Variants in C2orf80 observed in about 807,000 individuals in gnomAD.
The protein encoded by C2orf80 is chromosome 2 open reading frame 80, also known as uncharacterized protein C2orf80.
A neutral mutation model predicts 30.2 loss-of-function variants in C2orf80; 28 were observed. The observed-to-expected ratio is 0.93, with a 90% CI of 0.69 to 1.27. C2orf80 has a LOEUF of 1.27. C2orf80 is among the 50% of genes most tolerant of loss of function. The pLI is 0.00. For synonymous variants in C2orf80, 80 were observed against 76.4 expected (o/e 1.05, Z -0.24); for missense variants, 220 against 231.0 (o/e 0.95, Z 0.31).
intron 6 of C2orf80, among the ~76,000 whole-genome samples, chr2:208,173,802 A>G (rs930694739): frequency 6.6e-6 from 1 of 152,160 alleles, no homozygotes; most frequent in Non-Finnish European, 1.5e-5. Context: ...AGGAGAGGGT[A>G]TGCAGAGAGC....
chr2:208,180,625 C>T (rs777662214), intron 6 of C2orf80, 120 bp downstream of exon 6: 3 of 767,450 alleles, frequency 3.9e-6, no homozygotes, highest in Non-Finnish European at 6.3e-6. Context: ...TGGTTTTGTA[C>T]ATTTTGATGT....
At chr2:208,176,883 ATAGGTG>A (rs368189911) in intron 6 of C2orf80, among the ~76,000 whole-genome samples, 2,939 of 111,470 alleles carry the variant, frequency 0.026, 214 homozygotes, top group African/African-American at 0.086. Flanking sequence ...ATATGTATAC[ATAGGTG>A]TATATATATA....
intron 6 of C2orf80, among the ~76,000 whole-genome samples, chr2:208,176,998 T>G (rs1184641670): frequency 9.7e-6 from 1 of 102,632 alleles, no homozygotes; most frequent in African/African-American, 3.5e-5. Context: ...TATGTATACA[T>G]ATATACATAT....
intron 6 of C2orf80, among the ~76,000 whole-genome samples, 190 bp downstream of exon 6, chr2:208,180,555 T>C (rs556842237): frequency 9.3e-4 from 142 of 152,308 alleles, no homozygotes; most frequent in African/African-American, 3.3e-3. Context: ...TATTACTGCA[T>C]GGTCTTTTAC....
At chr2:208,178,925 T>G (rs1290087235) in intron 6 of C2orf80, among the ~76,000 whole-genome samples, 1 of 152,018 alleles carries the variant, frequency 6.6e-6, no homozygotes, top group African/African-American at 2.4e-5. Flanking sequence ...ACCTGGCAAA[T>G]TTTTTGTATT....
intron 2 of C2orf80, among the ~76,000 whole-genome samples, chr2:208,185,972 C>A (rs6749281): frequency 0.14 from 21,808 of 152,122 alleles, 1,715 homozygotes; most frequent in South Asian, 0.21. Context: ...ACATATAACA[C>A]AAATATGACT....
chr2:208,190,001 G>A lies in C2orf80; in HGVS notation c.-124C>T. ...TTTTGTTCTTTCTCTGCTTCTGGAG[G>A]CATGCTGAAGCATCCGCGCATCTCA... On this transcript the variant is annotated 5_prime_UTR_variant, in exon 1 of 9. Coordinates refer to ENST00000341287, the MANE Select transcript of C2orf80 (RefSeq NM_001099334.3). The A allele has an allele frequency of 1.4e-6, 1 of 702,920 alleles. No individual in the cohort carries two copies. The highest frequency in any genetic ancestry group is 2.6e-6 in the Non-Finnish European group (1 of 384,960). The allele number at this position is 702,920 out of a possible 1,614,324, so 43.5% of individuals were successfully genotyped here.
At chr2:208,187,656 G>A (rs958001943) in intron 1 of C2orf80, among the ~76,000 whole-genome samples, 2 of 152,102 alleles carry the variant, frequency 1.3e-5, no homozygotes, top group Non-Finnish European at 2.9e-5. Context: ...ACTATTGAAT[G>A]GGGTACACAG....
At chr2:208,170,149 C>T (rs1696048983) in intron 8 of C2orf80, among the ~76,000 whole-genome samples, 1 of 152,178 alleles carries the variant, frequency 6.6e-6, no homozygotes, top group African/African-American at 2.4e-5. Context: ...CCGTTTTCTA[C>T]CTTACAGCCT....
chr2:208,184,924 G>T, intron 3 of C2orf80, 27 bp downstream of exon 3: 2 of 1,564,682 alleles, frequency 1.3e-6, no homozygotes, highest in Non-Finnish European at 1.8e-6. Flanking sequence ...ACACAAATAT[G>T]ACTCGCATCA....
intron 1 of C2orf80, among the ~76,000 whole-genome samples, chr2:208,187,337 T>C (rs766773518): frequency 6.6e-6 from 1 of 152,206 alleles, no homozygotes; most frequent in Non-Finnish European, 1.5e-5. Context: ...GTTTGTGTAA[T>C]AGCTGATGAG....
At chr2:208,185,458 G>A (rs1243851479) in intron 2 of C2orf80, among the ~76,000 whole-genome samples, 2 of 152,164 alleles carry the variant, frequency 1.3e-5, no homozygotes, top group African/African-American at 2.4e-5. Flanking sequence ...TTCTTTTGCC[G>A]TAAGGCTTTT....
At chr2:208,186,851 G>T in intron 2 of C2orf80, 95 bp downstream of exon 2, 1 of 1,103,310 alleles carries the variant, frequency 9.1e-7, no homozygotes, top group Non-Finnish European at 1.4e-6. Context: ...TAGATTCTTA[G>T]ATTTTTACCC....
At chr2:208,186,680 C>T (rs1001009237) in intron 2 of C2orf80, among the ~76,000 whole-genome samples, 1 of 152,158 alleles carries the variant, frequency 6.6e-6, no homozygotes, top group South Asian at 2.1e-4. Flanking sequence ...ATAGGCTCAG[C>T]TCTCAGGCTC....
chr2:208,189,314 A>G (rs937197472), intron 1 of C2orf80, among the ~76,000 whole-genome samples: 2 of 152,232 alleles, frequency 1.3e-5, no homozygotes, highest in South Asian at 4.2e-4. Context: ...GTCTTAGATC[A>G]TCCCTCATCC....
chr2:208,186,589 TC>T (rs1696725001), intron 2 of C2orf80, among the ~76,000 whole-genome samples: 1 of 152,204 alleles, frequency 6.6e-6, no homozygotes, highest in Non-Finnish European at 1.5e-5. Flanking sequence ...CTGGGCCCTT[TC>T]AGGAATCTCT....
rs6748431 is a variant in C2orf80 at position 208,170,934 on chromosome 2, C to T, written c.573+11G>A. ...GTATCAGTTTGGTCCAATTTACAAT[C>T]TCACACCTACTTTGTGCTTTGGCTG... On this transcript the variant is annotated intron_variant, in intron 8 of 8. Coordinates refer to ENST00000341287, the MANE Select transcript of C2orf80 (RefSeq NM_001099334.3). The T allele has an allele frequency of 1, 1,604,123 of 1,608,624 alleles. 799,915 individuals carry two copies. Among genetic ancestry groups the T allele is most frequent in the East Asian group, 1 (44,846 of 44,846 alleles).
chr2:208,180,524 C>A (rs1209140476), intron 6 of C2orf80, among the ~76,000 whole-genome samples: 1 of 151,926 alleles, frequency 6.6e-6, no homozygotes, highest in Non-Finnish European at 1.5e-5. Flanking sequence ...CCCTTCTCAG[C>A]CGTACACAAG....
In C2orf80 at chr2:208,170,825, G is replaced by A. The variant is rs147540325; in HGVS notation, c.573+120C>T. The A allele has an allele frequency of 9.7e-4, 722 of 744,466 alleles. 5 individuals are homozygous for A. In the African/African-American group the frequency reaches 1.0e-2, roughly 10 times the overall value. 46.1% of individuals were successfully genotyped at this position (744,466 alleles called of 1,614,324 possible). On this transcript the variant is annotated intron_variant, in intron 8 of 8. Transcript: ENST00000341287. The stretch of plus-strand genomic sequence containing the variant: ...GATGTCCCATAGCTGGTAAGCAGTC[G>A]GCTCTAGATTCAAACCCAGAGCACC...
Sources: allele counts gnomAD v4.1 joint callset (sites outside exome capture counted in the v4.1 genomes callset), GRCh38; gene constraint gnomAD v4.1.1; transcripts MANE v1.5; gene names NCBI Gene and HGNC (gene_info 2026-07-23, HGNC 2026-07-21).